Variants in C4orf17 observed in about 807,000 individuals in gnomAD.
C4orf17 encodes the protein uncharacterized protein C4orf17.
A neutral mutation model predicts 32.0 loss-of-function variants in C4orf17; 25 were observed. The ratio of observed to expected loss-of-function variants is 0.78; its 90% CI spans 0.57 to 1.09. The LOEUF (loss-of-function observed/expected upper bound fraction) is 1.09. Ranked by LOEUF, C4orf17 falls within the 50% of genes least tolerant of loss-of-function variation. The probability of loss-of-function intolerance (pLI) is 0.00; values close to 1 mark genes in which losing one functional copy is unlikely to be tolerated. For missense variants in C4orf17, 420 were observed against 420.0 expected, an observed-to-expected ratio of 1.00 and a Z score of 0.00; for synonymous variants, 149 against 145.8, an observed-to-expected ratio of 1.02 and a Z score of -0.16.
chr4:99,513,722 C>A (rs960472104), intron 2 of C4orf17, among the ~76,000 whole-genome samples: 1 of 151,708 alleles, frequency 6.6e-6, no homozygotes, highest in Admixed American at 6.6e-5. Flanking sequence ...CTAGCTTTTA[C>A]TTTAACTTTA....
chr4:99,522,358 T>C (rs1723300717), intron 2 of C4orf17, 142 bp from the exon 3 acceptor site: 2 of 627,454 alleles, frequency 3.2e-6, no homozygotes, highest in Non-Finnish European at 5.1e-6. Flanking sequence ...TTTTTTTTTT[T>C]GGTTTATACA....
intron 2 of C4orf17, among the ~76,000 whole-genome samples, chr4:99,515,895 G>A (rs1272331513): frequency 6.6e-6 from 1 of 152,180 alleles, no homozygotes; most frequent in African/African-American, 2.4e-5. Context: ...TGTTGCACCT[G>A]TGCAGATACA....
intron 2 of C4orf17, among the ~76,000 whole-genome samples, chr4:99,521,068 A>T (rs1417050214): frequency 6.6e-6 from 1 of 152,168 alleles, no homozygotes; most frequent in Non-Finnish European, 1.5e-5. Context: ...CATTAGCTTA[A>T]ATGTGTATTT....
At chr4:99,514,913 T>C (rs1277743397) in intron 2 of C4orf17, among the ~76,000 whole-genome samples, 1 of 152,184 alleles carries the variant, frequency 6.6e-6, no homozygotes, top group Non-Finnish European at 1.5e-5. Flanking sequence ...CATGGAACAC[T>C]ACTCAGCCAT....
rs759155492 is a variant in C4orf17, at chr4:99,537,720, T to G, written c.598T>G (p.Leu200Val). ...GCATACTGATTCTCTGGCAGAAGTT[T>G]TACAGTGGCTGCTTCATGCAACTTC... is the stretch of plus-strand genomic sequence containing the variant. ...ILHTDSLAEVLQWLLHATSKE... is the reference protein window; with the variant it reads ...ILHTDSLAEVVQWLLHATSKE... The change falls in exon 6 of 9, where the codon TTA (leucine) becomes GTA (valine). Residue 200 changes from leucine to valine, a missense_variant. Transcript: ENST00000326581. The G allele has an allele frequency of 6.2e-7, 1 of 1,612,836 alleles. No homozygotes were observed. The highest frequency in any genetic ancestry group is 8.5e-7 in the Non-Finnish European group (1 of 1,179,834).
At chr4:99,537,830 T>C in intron 6 of C4orf17, 80 bp downstream of exon 6, 1 of 1,014,678 alleles carries the variant, frequency 9.9e-7, no homozygotes, top group South Asian at 1.3e-5. Flanking sequence ...TCTGAAGTTT[T>C]GTACCTTGGA....
chr4:99,512,206 A>G (rs569064434), intron 1 of C4orf17, among the ~76,000 whole-genome samples: 2 of 152,326 alleles, frequency 1.3e-5, no homozygotes, highest in Non-Finnish European at 2.9e-5. Context: ...GATGAATAAG[A>G]TTTTCATGTA....
intron 6 of C4orf17, among the ~76,000 whole-genome samples, chr4:99,538,502 G>C (rs1037883492): frequency 6.6e-6 from 1 of 152,224 alleles, no homozygotes; most frequent in African/African-American, 2.4e-5. Flanking sequence ...AAAGTAGGAA[G>C]CATTCTGGAA....
Position 99,539,171 on chromosome 4 carries a change from T to A in C4orf17, c.637T>A (p.Trp213Arg). ...TTTGTCTTTTAAACCAGAAAAAGAGTGGGTCTCAGCTTTGATTCATTCTGA... is the reference window on the plus strand; with the variant it reads ...TTTGTCTTTTAAACCAGAAAAAGAGAGGGTCTCAGCTTTGATTCATTCTGA... ...LLHATSKEKE[W>R]VSALIHSELA... The change falls in exon 7 of 9, where the codon TGG (tryptophan) becomes AGG (arginine). Residue 213 changes from tryptophan (W) to arginine (R), a missense_variant. Trp to Arg is a moderately radical substitution (Grantham distance 101, BLOSUM62 -3). Transcript: ENST00000326581. The A allele has an allele frequency of 6.2e-7, 1 of 1,613,596 alleles. No homozygotes were observed. Among genetic ancestry groups the A allele is most frequent in the Non-Finnish European group, 8.5e-7 (1 of 1,179,662 alleles).
chr4:99,513,866 G>A, intron 2 of C4orf17, among the ~76,000 whole-genome samples: 1 of 152,114 alleles, frequency 6.6e-6, no homozygotes, highest in Non-Finnish European at 1.5e-5. Flanking sequence ...GAGATGTTTT[G>A]AGAGGTACAA....
intron 2 of C4orf17, among the ~76,000 whole-genome samples, chr4:99,518,778 C>T (rs1723239875): frequency 6.6e-6 from 1 of 151,642 alleles, no homozygotes; most frequent in Admixed American, 6.6e-5. Context: ...TTGAACATGT[C>T]ACAGGCCCTT....
At position 99,540,414 on chromosome 4, in the gene C4orf17, T is replaced by A; in HGVS notation, c.839T>A (p.Val280Glu). 1 of 1,610,944 alleles carries A rather than the reference T, an allele frequency of 6.2e-7. No homozygotes were observed. The highest frequency in any genetic ancestry group is 1.1e-5 in the South Asian group (1 of 90,764). The stretch of plus-strand genomic sequence containing the variant: ...TTTTCTTTCTCCAACTGATCTAGAG[T>A]GTCAAGTCAAGGATCTGAAGAAAAC... ...RDTEGDQPTR[V>E]SSQGSEENKE... Residue 280 changes from valine to glutamate, a missense_variant and splice_region_variant, in exon 8 of 9, where the codon GTG (valine) becomes GAG (glutamate). Physicochemically the swap from Val to Glu is moderately radical, Grantham distance 121. Coordinates refer to ENST00000326581, the MANE Select transcript of C4orf17 (RefSeq NM_032149.3).
intron 4 of C4orf17, among the ~76,000 whole-genome samples, chr4:99,529,391 T>A (rs994588370): frequency 6.6e-6 from 1 of 152,234 alleles, no homozygotes; most frequent in Non-Finnish European, 1.5e-5. Context: ...TAGCTGTTAC[T>A]TGCAGCAAGG....
At chr4:99,525,169 T>C (rs1225508677) in intron 4 of C4orf17, among the ~76,000 whole-genome samples, 1 of 152,218 alleles carries the variant, frequency 6.6e-6, no homozygotes, top group Non-Finnish European at 1.5e-5. Flanking sequence ...TATACTTTCT[T>C]TTCTCCTGGA....
At chr4:99,521,481 G>C (rs937906159) in intron 2 of C4orf17, among the ~76,000 whole-genome samples, 1 of 152,180 alleles carries the variant, frequency 6.6e-6, no homozygotes, top group Admixed American at 6.5e-5. Flanking sequence ...CAGAGAAGCA[G>C]TGTGCAAACA....
rs761663082 is a variant in C4orf17 at position 99,529,861 on chromosome 4, C to G, written c.449C>G (p.Ser150Cys). Residue 150 changes from serine (S) to cysteine (C), a missense_variant, in exon 5 of 9, where the codon TCT becomes TGT. By Grantham distance (112) the Ser-to-Cys change is moderately radical. Transcript: ENST00000326581. ...KRPPSPPKACSTPGSCSSGMT... is the reference protein window; with the variant it reads ...KRPPSPPKACCTPGSCSSGMT... ...CCACCATCACCTCCAAAGGCATGCTCTACTCCTGGCTCCTGTTCTTCAGGG... is the reference window on the plus strand; with the variant it reads ...CCACCATCACCTCCAAAGGCATGCTGTACTCCTGGCTCCTGTTCTTCAGGG... 15 of 1,613,088 alleles carry G rather than the reference C, an allele frequency of 9.3e-6. No homozygotes were observed. The highest frequency in any genetic ancestry group is 1.3e-5 in the African/African-American group (1 of 74,786).
In C4orf17 at chr4:99,522,509, A is replaced by G; in HGVS notation, c.137A>G (p.Asn46Ser). The G allele has an allele frequency of 1.9e-6, 3 of 1,613,310 alleles. No individual in the cohort carries two copies. The highest frequency in any genetic ancestry group is 2.5e-6 in the Non-Finnish European group (3 of 1,179,424). Residue 46 changes from asparagine to serine, a missense_variant, in exon 3 of 9, where the codon AAC becomes AGC. Transcript: ENST00000326581. ...ATCTTTACTCACCTAGGCTTGAATAACATTCCAATCTGTACTGTGAATGAT... is the reference window on the plus strand; with the variant it reads ...ATCTTTACTCACCTAGGCTTGAATAGCATTCCAATCTGTACTGTGAATGAT... ...RRVCHIKGLN[N>S]IPICTVNDDE... is the part of the protein sequence containing the mutation.
At chr4:99,512,488 TC>T (rs1392979586) in intron 1 of C4orf17, among the ~76,000 whole-genome samples, 3 of 152,162 alleles carry the variant, frequency 2.0e-5, no homozygotes, top group Non-Finnish European at 4.4e-5. Flanking sequence ...GATACATCAC[TC>T]TTTTGGATTT....
chr4:99,531,579 A>T (rs1201204773), intron 5 of C4orf17, among the ~76,000 whole-genome samples: 1 of 152,168 alleles, frequency 6.6e-6, no homozygotes, highest in East Asian at 1.9e-4. Flanking sequence ...ACATCGGTTG[A>T]TATAAAACAC....
Sources: allele counts gnomAD v4.1 joint callset (sites outside exome capture counted in the v4.1 genomes callset), GRCh38; gene constraint gnomAD v4.1.1; transcripts MANE v1.5; gene names NCBI Gene and HGNC (gene_info 2026-07-23, HGNC 2026-07-21).